IQCM: variants seen among roughly 807,000 people sequenced by gnomAD.
The protein encoded by IQCM is IQ motif containing M.
IQCM carries 45 observed loss-of-function variants against 57.6 expected under a neutral mutation model. The observed-to-expected ratio is 0.78, with a 90% CI of 0.62 to 1.00. IQCM has a LOEUF of 1.00. Ranked by LOEUF, IQCM falls within the 50% of genes least tolerant of loss-of-function variation. The pLI, the probability that IQCM is intolerant of heterozygous loss-of-function variation, is 0.00. For missense variants in IQCM, 468 were observed against 511.6 expected, an observed-to-expected ratio of 0.91 and a Z score of 0.82; for synonymous variants, 148 against 158.9, an observed-to-expected ratio of 0.93 and a Z score of 0.51.
At chr4:149,718,259 A>C (rs944698919) in intron 5 of IQCM, among the ~76,000 whole-genome samples, 2 of 152,222 alleles carry the variant, frequency 1.3e-5, no homozygotes, top group African/African-American at 2.4e-5. Context: ...CAAACTCAGA[A>C]GGAAAAAGGT....
chr4:149,806,793 A>C (rs766207224), intron 2 of IQCM, among the ~76,000 whole-genome samples: 2 of 151,980 alleles, frequency 1.3e-5, no homozygotes, highest in Non-Finnish European at 2.9e-5. Context: ...TCACAGCAAA[A>C]GCAAAGGAAG....
chr4:149,463,086 GGT>G (rs1375985271), intron 12 of IQCM, among the ~76,000 whole-genome samples: 1 of 152,162 alleles, frequency 6.6e-6, no homozygotes, highest in Non-Finnish European at 1.5e-5. Context: ...AACAGCCTCT[GGT>G]TAGGAAAAAT....
chr4:149,538,008 G>C (rs147942173), intron 12 of IQCM, among the ~76,000 whole-genome samples: 2 of 151,058 alleles, frequency 1.3e-5, no homozygotes. Flanking sequence ...AAAGGAAATC[G>C]TAAATGTATT....
intron 12 of IQCM, among the ~76,000 whole-genome samples, chr4:149,531,767 A>C (rs984975785): frequency 6.6e-6 from 1 of 152,120 alleles, no homozygotes; most frequent in Non-Finnish European, 1.5e-5. Flanking sequence ...AGGAGACTGC[A>C]TACTAGTTAC....
intron 13 of IQCM, among the ~76,000 whole-genome samples, chr4:149,396,270 A>G (rs1238445624): frequency 2.6e-5 from 4 of 151,824 alleles, no homozygotes; most frequent in Admixed American, 6.6e-5. Context: ...TATTTTAATT[A>G]GTTTTTAGCT....
intron 5 of IQCM, among the ~76,000 whole-genome samples, chr4:149,717,345 G>A (rs894194352): frequency 6.6e-5 from 10 of 152,094 alleles, no homozygotes; most frequent in African/African-American, 1.4e-4. Flanking sequence ...GGTGTCCACT[G>A]GAGAACTGCT....
intron 8 of IQCM, among the ~76,000 whole-genome samples, chr4:149,595,306 T>C (rs946053234): frequency 7.9e-5 from 12 of 152,138 alleles, no homozygotes; most frequent in Admixed American, 7.9e-4. Context: ...TCCATTTGCT[T>C]GGTAGATCTT....
At chr4:149,544,169 G>A (rs1269597787) in intron 12 of IQCM, among the ~76,000 whole-genome samples, 2 of 151,946 alleles carry the variant, frequency 1.3e-5, no homozygotes, top group Non-Finnish European at 2.9e-5. Flanking sequence ...TTACTTTGTG[G>A]TGACATTATC....
At chr4:149,590,247 C>CTTTTTTTTTTTTTTTT (rs71596214) in intron 8 of IQCM, among the ~76,000 whole-genome samples, 8 of 73,630 alleles carry the variant, frequency 1.1e-4, no homozygotes, top group South Asian at 5.9e-4. Flanking sequence ...TTTTTCTTTC[C>CTTTTTTTTTTTTTTTT]TTTTTTTTTT....
chr4:149,468,502 C>T (rs1321928351), intron 12 of IQCM, among the ~76,000 whole-genome samples: 10 of 152,196 alleles, frequency 6.6e-5, no homozygotes, highest in Admixed American at 2.0e-4. Flanking sequence ...GTGGAGCCAA[C>T]CACAGCTCAA....
At chr4:149,784,002 C>T (rs550016483) in intron 2 of IQCM, among the ~76,000 whole-genome samples, 7 of 152,302 alleles carry the variant, frequency 4.6e-5, no homozygotes, top group Non-Finnish European at 1.0e-4. Context: ...TTGAATGAAG[C>T]CTTTTAAGAC....
intron 6 of IQCM, among the ~76,000 whole-genome samples, chr4:149,685,188 A>G (rs1229393721): frequency 2.0e-5 from 3 of 151,480 alleles, no homozygotes. Flanking sequence ...AGCCTCATCT[A>G]AAGATACTGA....
intron 7 of IQCM, among the ~76,000 whole-genome samples, chr4:149,635,989 A>G (rs1757683822): frequency 6.6e-6 from 1 of 152,220 alleles, no homozygotes; most frequent in Admixed American, 6.5e-5. Flanking sequence ...TAGGTATAAT[A>G]TTAAGAAATA....
intron 2 of IQCM, among the ~76,000 whole-genome samples, chr4:149,803,383 C>A (rs1232179124): frequency 6.6e-6 from 1 of 151,796 alleles, no homozygotes. Context: ...TTCATTTATT[C>A]TTTTTTCTCT....
At chr4:149,432,146 A>G (rs914369258) in intron 13 of IQCM, among the ~76,000 whole-genome samples, 5 of 151,906 alleles carry the variant, frequency 3.3e-5, no homozygotes, top group African/African-American at 1.2e-4. Context: ...ATATTTTCAA[A>G]GTGGCTGTAT....
chr4:149,682,016 G>T, intron 7 of IQCM, 102 bp downstream of exon 7: 1 of 439,692 alleles, frequency 2.3e-6, no homozygotes, highest in Non-Finnish European at 3.8e-6. Flanking sequence ...GAAAATAAAG[G>T]AAATAACTCT....
intron 7 of IQCM, among the ~76,000 whole-genome samples, chr4:149,626,404 T>TATATATATATATATATATATAA (rs1372720158): frequency 8.4e-6 from 1 of 119,552 alleles, no homozygotes; most frequent in Non-Finnish European, 1.8e-5. Flanking sequence ...TATATATATA[T>TATATATATATATATATATATAA]AAGTTTATAG....
chr4:149,379,666 A>C (rs1004665479), intron 13 of IQCM, among the ~76,000 whole-genome samples: 5 of 152,308 alleles, frequency 3.3e-5, no homozygotes, highest in Non-Finnish European at 5.9e-5. Flanking sequence ...TTACAGGCTC[A>C]CAGGTGGAAG....
chr4:149,565,200 C>A (rs1446929870), intron 9 of IQCM, among the ~76,000 whole-genome samples: 2 of 152,158 alleles, frequency 1.3e-5, no homozygotes, highest in African/African-American at 4.8e-5. Flanking sequence ...CTCTGAATCC[C>A]AGACCCAAGT....
Sources: allele counts gnomAD v4.1 joint callset (sites outside exome capture counted in the v4.1 genomes callset), GRCh38; gene constraint gnomAD v4.1.1; transcripts MANE v1.5; gene names NCBI Gene and HGNC (gene_info 2026-07-23, HGNC 2026-07-21).